Variants in ABI1 observed in about 807,000 individuals in gnomAD.
The protein encoded by ABI1 is abl interactor 1, also known as Abelson interactor 1.
ABI1 carries 14 observed loss-of-function variants against 54.6 expected under a neutral mutation model. That is an observed-to-expected ratio of 0.26 (90% confidence interval 0.17 to 0.40). The LOEUF (loss-of-function observed/expected upper bound fraction) is 0.40, where lower values mean the gene tolerates loss of function less well. ABI1 is among the 10% of genes least tolerant of loss of function. The pLI is 1.00. For synonymous variants in ABI1, 194 were observed against 209.3 expected, an observed-to-expected ratio of 0.93 and a Z score of 0.63; for missense variants, 443 against 598.3, an observed-to-expected ratio of 0.74 and a Z score of 2.71.
intron 2 of ABI1, among the ~76,000 whole-genome samples, chr10:26,800,804 C>T (rs575726962): frequency 7.2e-5 from 11 of 152,206 alleles, no homozygotes; most frequent in African/African-American, 2.2e-4. Context: ...GTCGGGAGTT[C>T]GAGACCAGCC....
In ABI1 at chr10:26,860,784, G is replaced by C; in HGVS notation, c.80C>G (p.Thr27Ser). The C allele has an allele frequency of 6.2e-7, 1 of 1,614,132 alleles. No individual in the cohort carries two copies. Among genetic ancestry groups the C allele is most frequent in the Non-Finnish European group, 8.5e-7 (1 of 1,180,004 alleles). ...RALIESYQNL[T>S]RVADYCENNY... is the part of the protein sequence containing the mutation. ...GTTTTCACAGTAGTCTGCCACCCGAGTCAGGTTCTGGTAACTCTCGATCAG... is the reference window on the plus strand; with the variant it reads ...GTTTTCACAGTAGTCTGCCACCCGACTCAGGTTCTGGTAACTCTCGATCAG... The change falls in exon 1 of 11, where the codon ACT becomes AGT. Residue 27 changes from threonine to serine, a missense_variant. Thr to Ser is a moderately conservative substitution (Grantham distance 58, BLOSUM62 1). This residue lies in a region of ABI1 where 394 missense variants were observed against 484.8 expected (regional missense o/e 0.81). Coordinates refer to ENST00000376140, the MANE Select transcript of ABI1 (RefSeq NM_001012750.3). The surrounding 1 kb of genome is among the most constrained non-coding windows in gnomAD (Gnocchi z 4.1).
At chr10:26,827,275 G>A (rs1360431962) in intron 1 of ABI1, among the ~76,000 whole-genome samples, 1 of 150,406 alleles carries the variant, frequency 6.6e-6, no homozygotes, top group East Asian at 2.0e-4. Context: ...AGGCTGGAGT[G>A]CAGTGGCGTG....
At position 26,822,291 on chromosome 10, in the gene ABI1, T is replaced by C. The variant is rs922062975; in HGVS notation, c.285+847A>G. On this transcript the variant is annotated intron_variant, in intron 2 of 10. Transcript: ENST00000376140. ...CTAAGACTAAGTGGTATAACCACTT[T>C]GAAAAACAATTTGGTAGGTTCTTCT... Among the ~76,000 whole-genome samples the C allele has an allele frequency of 4.6e-5, 7 of 152,160 alleles. No individual in the cohort carries two copies. The South Asian group carries it at 1.4e-3, about 31-fold the overall frequency.
Position 26,746,609 on chromosome 10 carries a change from TA to T in ABI1, c.*1960del, listed in dbSNP as rs1836941195. ...ATATCAAACTTATTGATGGGCAATT[TA>T]TTTTTTTTTATTGCAAAAGTTTTTT... On this transcript the variant is annotated 3_prime_UTR_variant, in exon 11 of 11. Transcript: ENST00000376140. The T allele has an allele frequency of 3.5e-5, 32 of 925,032 alleles. No homozygotes were observed. In the South Asian group the frequency reaches 4.8e-4, roughly 14 times the overall value. 57.3% of individuals were successfully genotyped at this position (925,032 alleles called of 1,614,324 possible).
chr10:26,746,781 C>A lies in ABI1; in HGVS notation c.*1789G>T. On this transcript the variant is annotated 3_prime_UTR_variant, in exon 11 of 11. Coordinates refer to ENST00000376140, the MANE Select transcript of ABI1 (RefSeq NM_001012750.3). The stretch of plus-strand genomic sequence containing the variant: ...GTAAGGCCATTACACAAATAAATAA[C>A]CAATGTTAAAATTCAAATGGTTTGT... 1 of 408,112 alleles carries A rather than the reference C, an allele frequency of 2.5e-6. No homozygotes were observed. The highest frequency in any genetic ancestry group is 4.6e-6 in the Non-Finnish European group (1 of 218,876). The allele number at this position is 408,112 out of a possible 1,614,324, so 25.3% of individuals were successfully genotyped here.
intron 2 of ABI1, among the ~76,000 whole-genome samples, chr10:26,791,068 C>CAAA (rs369738380): frequency 0.011 from 668 of 58,934 alleles, 19 homozygotes; most frequent in East Asian, 0.035. Context: ...GATTCCGTCT[C>CAAA]AAAAAAAAAA....
At chr10:26,766,370 TA>T (rs1839953475) in intron 6 of ABI1, among the ~76,000 whole-genome samples, 1 of 152,220 alleles carries the variant, frequency 6.6e-6, no homozygotes, top group Admixed American at 6.5e-5. Context: ...TGTACATGTG[TA>T]AAAACATATA....
intron 6 of ABI1, among the ~76,000 whole-genome samples, chr10:26,766,572 AAC>A (rs1839978651): frequency 6.6e-6 from 1 of 152,190 alleles, no homozygotes; most frequent in African/African-American, 2.4e-5. Flanking sequence ...TCATTTATAA[AAC>A]AGACATAGCT....
At chr10:26,825,458 C>T (rs1268269044) in intron 1 of ABI1, among the ~76,000 whole-genome samples, 1 of 151,936 alleles carries the variant, frequency 6.6e-6, no homozygotes, top group Non-Finnish European at 1.5e-5. Flanking sequence ...GTCAGGAGTT[C>T]GAGATCAGCC....
In ABI1 at chr10:26,769,785, A is replaced by ACC. The variant is rs536528959; in HGVS notation, c.578+459_578+460insGG. On this transcript the variant is annotated intron_variant, in intron 5 of 10. Coordinates refer to ENST00000376140, the MANE Select transcript of ABI1 (RefSeq NM_001012750.3). ...AGAAGCATAGTTACAAGTAAAGTGCATACTTTCCTAAAGTAAAGAGTCCCT... is the reference window on the plus strand; with the variant it reads ...AGAAGCATAGTTACAAGTAAAGTGCACCTACTTTCCTAAAGTAAAGAGTCCCT... 1.8e-3 allele frequency among the ~76,000 whole-genome samples: 267 copies of ACC among 152,320 alleles called. 2 individuals are homozygous for ACC. Among genetic ancestry groups the ACC allele is most frequent in the South Asian group, 0.012 (56 of 4,830 alleles).
intron 2 of ABI1, among the ~76,000 whole-genome samples, chr10:26,779,212 C>T (rs990205058): frequency 3.3e-5 from 5 of 152,188 alleles, no homozygotes; most frequent in Admixed American, 1.3e-4. Flanking sequence ...GAAAAGTCCA[C>T]GAGAATCATT....
chr10:26,767,598 T>A (rs1434147093), intron 6 of ABI1, among the ~76,000 whole-genome samples: 1 of 152,182 alleles, frequency 6.6e-6, no homozygotes, highest in Non-Finnish European at 1.5e-5. Flanking sequence ...GCTGGTAATG[T>A]TCCATTTTCT....
chr10:26,789,411 CAT>C (rs1012463594), intron 2 of ABI1, among the ~76,000 whole-genome samples: 7 of 152,132 alleles, frequency 4.6e-5, no homozygotes, highest in Admixed American at 2.0e-4. Context: ...ATTTGAATTA[CAT>C]ATGTTTTATA....
intron 2 of ABI1, among the ~76,000 whole-genome samples, chr10:26,820,204 A>T (rs2047877187): frequency 6.6e-6 from 1 of 152,240 alleles, no homozygotes; most frequent in Non-Finnish European, 1.5e-5. Context: ...ACACAAAAAA[A>T]GTAGCTGTGT....
intron 2 of ABI1, among the ~76,000 whole-genome samples, chr10:26,790,230 C>CTAATT (rs1190424327): frequency 2.2e-4 from 33 of 152,322 alleles, no homozygotes; most frequent in African/African-American, 7.9e-4. Context: ...AATGGTTGAA[C>CTAATT]TAATTTACAT....
intron 7 of ABI1, among the ~76,000 whole-genome samples, chr10:26,764,156 T>C (rs1325997573): frequency 6.6e-6 from 1 of 152,196 alleles, no homozygotes; most frequent in African/African-American, 2.4e-5. Flanking sequence ...AATATGCCTA[T>C]GTTTATAAGT....
intron 1 of ABI1, among the ~76,000 whole-genome samples, chr10:26,851,348 A>ATTTTTTTTTTTTTTTTTTTTTTTT (rs397724445): frequency 7.4e-5 from 5 of 67,810 alleles, no homozygotes; most frequent in African/African-American, 3.2e-4. Flanking sequence ...GACTAAGCTA[A>ATTTTTTTTTTTTTTTTTTTTTTTT]TTTTTTTTTT....
At position 26,771,086 on chromosome 10, in the gene ABI1, G is replaced by T. The variant is rs1394703987; in HGVS notation, c.466C>A (p.Leu156Ile). 5.0e-6 allele frequency: 8 copies of T among 1,613,456 alleles called. No individual in the cohort carries two copies. Among genetic ancestry groups the T allele is most frequent in the Non-Finnish European group, 5.9e-6 (7 of 1,179,722 alleles). The change falls in exon 4 of 11, where the codon CTA (leucine) becomes ATA (isoleucine). Residue 156 changes from leucine to isoleucine, a missense_variant. Coordinates refer to ENST00000376140, the MANE Select transcript of ABI1 (RefSeq NM_001012750.3). ...GTAATGGCTCTTACCTTGGCTTTTA[G>T]CCACTTTACGTTGGCAAAAAAAGGG... ...LDDVGHGVKW[L>I]KAKHGNNQPA... is the part of the protein sequence containing the mutation.
intron 6 of ABI1, among the ~76,000 whole-genome samples, chr10:26,767,431 C>G (rs775321205): frequency 6.6e-6 from 1 of 152,012 alleles, no homozygotes; most frequent in African/African-American, 2.4e-5. Flanking sequence ...TCCCTGCCCA[C>G]GTTATTAAGT....
Sources: allele counts gnomAD v4.1 joint callset (sites outside exome capture counted in the v4.1 genomes callset), GRCh38; gene constraint gnomAD v4.1.1; regional missense constraint gnomAD v4.1.1; non-coding constraint Gnocchi (gnomAD v3.1); transcripts MANE v1.5; gene names NCBI Gene and HGNC (gene_info 2026-07-23, HGNC 2026-07-21).